Variants in KIAA0513 observed in about 807,000 individuals in gnomAD.
KIAA0513 encodes KIAA0513, also known as uncharacterized protein KIAA0513.
Under a neutral mutation model 56.5 loss-of-function variants are expected in KIAA0513, and 39 were observed. The observed-to-expected ratio is 0.69, with a 90% CI of 0.53 to 0.90. KIAA0513 has a LOEUF of 0.90. Among genes scored for constraint, KIAA0513 ranks in the 40% least tolerant of loss-of-function variants. The pLI, the probability that KIAA0513 is intolerant of heterozygous loss-of-function variation, is 0.00. For missense variants in KIAA0513, 591 were observed against 535.2 expected, an observed-to-expected ratio of 1.10 and a Z score of -1.03; for synonymous variants, 268 against 215.6, an observed-to-expected ratio of 1.24 and a Z score of -2.13.
intron 1 of KIAA0513, among the ~76,000 whole-genome samples, chr16:85,063,915 A>G (rs2073441676): frequency 6.6e-6 from 1 of 152,118 alleles, no homozygotes; most frequent in African/African-American, 2.4e-5. Flanking sequence ...ACTTCACTAG[A>G]AAGTGAACGT....
chr16:85,071,597 T>C (rs1305595847), intron 2 of KIAA0513, among the ~76,000 whole-genome samples, 186 bp from the exon 3 acceptor site: 1 of 152,198 alleles, frequency 6.6e-6, no homozygotes, highest in Non-Finnish European at 1.5e-5. Context: ...TCCTCGCCTT[T>C]GAAATAATAG....
rs764759120 is a variant in KIAA0513, at chr16:85,071,854, A to T, written c.401A>T (p.Glu134Val). The T allele has an allele frequency of 6.3e-6, 10 of 1,591,014 alleles. No individual in the cohort carries two copies. The African/African-American group carries it at 8.8e-5, about 14-fold the overall frequency. ...YCSSENGKGREWFARYVSAQR... is the reference protein window; with the variant it reads ...YCSSENGKGRVWFARYVSAQR... ...AGCAGTGAAAATGGAAAAGGCCGGG[A>T]GTGGTTTGCTCGATACGTGAGTGCC... Residue 134 changes from glutamate (E) to valine (V), a missense_variant, in exon 3 of 13, where the codon GAG (glutamate) becomes GTG (valine). Glu to Val is a moderately radical substitution (Grantham distance 121, BLOSUM62 -2). Transcript: ENST00000683363.
chr16:85,063,699 A>G (rs980046547), intron 1 of KIAA0513: 1 of 152,156 alleles, frequency 6.6e-6, no homozygotes, highest in African/African-American at 2.4e-5. Context: ...GTGTTAGGAT[A>G]ATGAACAAAA....
intron 1 of KIAA0513, among the ~76,000 whole-genome samples, chr16:85,060,640 A>G (rs1345640067): frequency 6.6e-6 from 1 of 152,082 alleles, no homozygotes; most frequent in Non-Finnish European, 1.5e-5. Context: ...GGAGTTTGAG[A>G]CAAATCTGGG....
chr16:85,060,414 C>T (rs188082162), intron 1 of KIAA0513, among the ~76,000 whole-genome samples: 1 of 152,290 alleles, frequency 6.6e-6, no homozygotes, highest in East Asian at 1.9e-4. Context: ...GGTGGTGTCT[C>T]GGGGTCCCGG....
chr16:85,032,713 A>T (rs2072982208), intron 1 of KIAA0513, among the ~76,000 whole-genome samples: 1 of 148,224 alleles, frequency 6.7e-6, no homozygotes, highest in Non-Finnish European at 1.5e-5. Flanking sequence ...TTACTACAAG[A>T]TCCGCCTCCC....
rs1259485724 is a variant in KIAA0513, at chr16:85,081,984, CAGCCCCTGGGGG to C, written c.981-572_981-561del. Among the ~76,000 whole-genome samples the C allele has an allele frequency of 6.6e-6, 1 of 152,236 alleles. No homozygotes were observed. ...GCAGCGACATGACAGCGAGGGACGG[CAGCCCCTGGGGG>C]AGCCCCTTCCAGTCATGTGACTGAA... On this transcript the variant is annotated intron_variant, in intron 9 of 12. Transcript: ENST00000683363. The surrounding 1 kb of genome is among the most constrained non-coding windows in gnomAD (Gnocchi z 4.4).
At chr16:85,087,657 C>T (rs540869010) in intron 12 of KIAA0513, among the ~76,000 whole-genome samples, 1 of 152,218 alleles carries the variant, frequency 6.6e-6, no homozygotes, top group South Asian at 2.1e-4. Flanking sequence ...TTGGCGCCCC[C>T]CTTGCTGGGG....
At position 85,077,442 on chromosome 16, in the gene KIAA0513, C is replaced by T. The variant is rs746383948; in HGVS notation, c.592C>T (p.Pro198Ser). The T allele has an allele frequency of 1.5e-5, 25 of 1,613,778 alleles. No individual in the cohort carries two copies. The highest frequency in any genetic ancestry group is 9.3e-5 in the African/African-American group (7 of 74,930). The change falls in exon 6 of 13, where the codon CCC (proline) becomes TCC (serine). Residue 198 changes from proline to serine, a missense_variant. Transcript: ENST00000683363. The part of the protein sequence containing the change: ...YYHIGKPQLL[P>S]PESREKPAGS... The stretch of plus-strand genomic sequence containing the variant: ...CATCCAAGGAAAACCACAGCTGCTG[C>T]CCCCGGAGTCCCGGGAGAAGCCCGC...
chr16:85,084,587 G>A (rs1469413266), intron 10 of KIAA0513, among the ~76,000 whole-genome samples: 1 of 152,082 alleles, frequency 6.6e-6, no homozygotes, highest in Non-Finnish European at 1.5e-5. Context: ...CCACCACCAT[G>A]CCTGGCTCAT....
At chr16:85,073,138 C>T in intron 4 of KIAA0513, 140 bp downstream of exon 4, 1 of 749,294 alleles carries the variant, frequency 1.3e-6, no homozygotes, top group South Asian at 1.5e-5. Flanking sequence ...TCTGCTACGC[C>T]CAGCATTCAG....
At chr16:85,047,817 T>C (rs1400902540) in intron 1 of KIAA0513, among the ~76,000 whole-genome samples, 1 of 152,204 alleles carries the variant, frequency 6.6e-6, no homozygotes, top group African/African-American at 2.4e-5. Context: ...AGGCTGGGGA[T>C]ACCAGGGTCA....
At chr16:85,053,719 G>A (rs1387883033) in intron 1 of KIAA0513, among the ~76,000 whole-genome samples, 5 of 152,044 alleles carry the variant, frequency 3.3e-5, no homozygotes, top group African/African-American at 4.8e-5. Flanking sequence ...AAGGCCAGGC[G>A]CGGTGGCTCA....
chr16:85,039,837 TTTTC>T (rs1477092939), intron 1 of KIAA0513, among the ~76,000 whole-genome samples: 1 of 148,348 alleles, frequency 6.7e-6, no homozygotes, highest in Non-Finnish European at 1.5e-5. Flanking sequence ...AAAGGTTTTC[TTTTC>T]TTTTTTTTTT....
chr16:85,061,427 C>T (rs1345846020), intron 1 of KIAA0513, among the ~76,000 whole-genome samples: 1 of 152,176 alleles, frequency 6.6e-6, no homozygotes, highest in Non-Finnish European at 1.5e-5. Flanking sequence ...GGCCTCTCCC[C>T]GCCTTGCCTT....
At chr16:85,053,732 C>T (rs1020938418) in intron 1 of KIAA0513, among the ~76,000 whole-genome samples, 7 of 152,100 alleles carry the variant, frequency 4.6e-5, no homozygotes, top group Non-Finnish European at 1.0e-4. Context: ...GTGGCTCACG[C>T]CTATAATCCC....
chr16:85,054,647 C>G (rs1383952111), intron 1 of KIAA0513, among the ~76,000 whole-genome samples: 7 of 151,976 alleles, frequency 4.6e-5, no homozygotes, highest in Non-Finnish European at 1.0e-4. Context: ...CCAAGCTGGT[C>G]TCGAACTCTT....
intron 4 of KIAA0513, 61 bp from the exon 5 acceptor site, chr16:85,075,783 C>T (rs993178944): frequency 5.1e-5 from 76 of 1,486,054 alleles, no homozygotes; most frequent in Non-Finnish European, 5.8e-5. Flanking sequence ...GATGTCTGAC[C>T]GACTTGCAGG....
chr16:85,068,162 CT>C (rs35138609), intron 2 of KIAA0513, among the ~76,000 whole-genome samples: 333 of 138,060 alleles, frequency 2.4e-3, no homozygotes, highest in Middle Eastern at 4.1e-3. Context: ...TCCACGCATT[CT>C]TTTTTTTTTT....
Sources: gnomAD v4.1 joint callset for allele counts (sites outside exome capture counted in the v4.1 genomes callset) on GRCh38, gnomAD v4.1.1 for gene constraint, Gnocchi (gnomAD v3.1) non-coding constraint, MANE v1.5 for transcripts, NCBI Gene and HGNC (gene_info 2026-07-23, HGNC 2026-07-21) for gene names.